The following DEPTOR variants were observed in gnomAD, a reference collection of about 807,000 sequenced individuals.
DEPTOR encodes the protein DEP domain containing MTOR interacting protein, also known as DEP domain-containing mTOR-interacting protein.
A neutral mutation model predicts 41.6 loss-of-function variants in DEPTOR; 41 were observed. The ratio of observed to expected loss-of-function variants is 0.98; its 90% CI spans 0.77 to 1.28. The LOEUF (loss-of-function observed/expected upper bound fraction) is 1.28, where lower values mean the gene tolerates loss of function less well. Among genes scored for constraint, DEPTOR ranks in the 50% most tolerant of loss-of-function variants. The pLI is 0.00. For synonymous variants in DEPTOR, 195 were observed against 192.3 expected (o/e 1.01, Z -0.12); for missense variants, 514 against 527.9 (o/e 0.97, Z 0.26).
At chr8:120,007,716 C>G (rs1178055653) in intron 7 of DEPTOR, among the ~76,000 whole-genome samples, 1 of 152,196 alleles carries the variant, frequency 6.6e-6, no homozygotes, top group East Asian at 1.9e-4. Context: ...AGGGCTATTT[C>G]ACATTCTGAA....
At chr8:119,967,948 T>C (rs1326594727) in intron 4 of DEPTOR, among the ~76,000 whole-genome samples, 2 of 152,170 alleles carry the variant, frequency 1.3e-5, no homozygotes, top group African/African-American at 4.8e-5. Context: ...TGACACTGTA[T>C]TCCAGGCTGC....
At chr8:119,969,203 A>T (rs1050419551) in intron 4 of DEPTOR, among the ~76,000 whole-genome samples, 2 of 152,174 alleles carry the variant, frequency 1.3e-5, no homozygotes, top group Non-Finnish European at 2.9e-5. Flanking sequence ...AAGATAGAGG[A>T]TGCTGTGAAT....
chr8:119,931,874 T>C lies in DEPTOR; in HGVS notation c.425+1936T>C, dbSNP rs1828048150. Reference sequence around the variant, plus strand: ...ATGTTCCTTTCAAACAATGATTCTATGTTGGCCAAAACATGCATGTCATCT... The same window carrying C: ...ATGTTCCTTTCAAACAATGATTCTACGTTGGCCAAAACATGCATGTCATCT... On this transcript the variant is annotated intron_variant, in intron 3 of 8. Coordinates refer to ENST00000286234, the MANE Select transcript of DEPTOR (RefSeq NM_022783.4). 2.6e-5 allele frequency among the ~76,000 whole-genome samples: 4 copies of C among 151,966 alleles called. No homozygotes were observed. The South Asian group carries it at 8.3e-4, about 32-fold the overall frequency.
chr8:119,890,299 G>GTTTGTTTGT (rs148002389), intron 1 of DEPTOR, among the ~76,000 whole-genome samples: 3 of 117,354 alleles, frequency 2.6e-5, no homozygotes, highest in African/African-American at 1.1e-4. Flanking sequence ...TTGTTTGTTT[G>GTTTGTTTGT]TTGTTGTTGT....
intron 3 of DEPTOR, among the ~76,000 whole-genome samples, chr8:119,954,802 T>C (rs1464575291): frequency 6.6e-6 from 1 of 152,026 alleles, no homozygotes; most frequent in African/African-American, 2.4e-5. Flanking sequence ...TCAGCTCACA[T>C]GCACAAGCAA....
chr8:119,959,681 C>T (rs1234064369), intron 3 of DEPTOR, among the ~76,000 whole-genome samples: 1 of 151,964 alleles, frequency 6.6e-6, no homozygotes, highest in African/African-American at 2.4e-5. Context: ...CAGGCATGCA[C>T]CACCACACCC....
chr8:119,899,754 A>G (rs1384632157), intron 1 of DEPTOR, among the ~76,000 whole-genome samples: 1 of 152,192 alleles, frequency 6.6e-6, no homozygotes. Context: ...ATGTCTCTGG[A>G]AATATCTTAC....
intron 4 of DEPTOR, among the ~76,000 whole-genome samples, chr8:119,988,643 T>C (rs1828859632): frequency 1.3e-5 from 2 of 152,112 alleles, no homozygotes; most frequent in East Asian, 3.9e-4. Flanking sequence ...CCACCATGCC[T>C]GGCTAATTTT....
chr8:119,948,691 T>C (rs1320013127), intron 3 of DEPTOR, among the ~76,000 whole-genome samples: 3 of 152,086 alleles, frequency 2.0e-5, no homozygotes. Flanking sequence ...ACCCCATAGC[T>C]ATCACTCCCC....
At chr8:120,041,166 T>TG (rs1212727269) in intron 8 of DEPTOR, among the ~76,000 whole-genome samples, 1 of 152,192 alleles carries the variant, frequency 6.6e-6, no homozygotes, top group African/African-American at 2.4e-5. Flanking sequence ...GCAAATTTCT[T>TG]GGTGAATACA....
At chr8:120,000,121 C>T (rs868236951) in intron 4 of DEPTOR, among the ~76,000 whole-genome samples, 4 of 151,934 alleles carry the variant, frequency 2.6e-5, no homozygotes, top group Non-Finnish European at 2.9e-5. Context: ...TACTCTTTGC[C>T]GATTTTTTTT....
At chr8:120,002,791 A>AAAAAAAAAAT in intron 5 of DEPTOR, among the ~76,000 whole-genome samples, 186 bp from the exon 6 acceptor site, 2 of 60,674 alleles carry the variant, frequency 3.3e-5, no homozygotes, top group African/African-American at 1.5e-4. Context: ...AAAAAAAAAA[A>AAAAAAAAAAT]ATATATATAT....
At chr8:119,959,255 C>T (rs1226113875) in intron 3 of DEPTOR, among the ~76,000 whole-genome samples, 5 of 150,712 alleles carry the variant, frequency 3.3e-5, no homozygotes, top group Admixed American at 6.6e-5. Context: ...CTCCGCCTCC[C>T]GGGCTCACGC....
At chr8:119,922,237 CAA>C (rs34430128) in intron 1 of DEPTOR, among the ~76,000 whole-genome samples, 17 of 125,792 alleles carry the variant, frequency 1.4e-4, no homozygotes, top group Non-Finnish European at 1.2e-4. Flanking sequence ...GAAACTGTCT[CAA>C]AAAAAAAAAA....
chr8:120,035,083 C>T (rs57923944), intron 8 of DEPTOR, among the ~76,000 whole-genome samples: 2 of 151,916 alleles, frequency 1.3e-5, no homozygotes, highest in Non-Finnish European at 2.9e-5. Flanking sequence ...TTTGGGAGGC[C>T]GAGGCAGGCA....
At chr8:119,921,748 G>GTTTTTTGT in intron 1 of DEPTOR, among the ~76,000 whole-genome samples, 1 of 131,134 alleles carries the variant, frequency 7.6e-6, no homozygotes, top group South Asian at 2.7e-4. Context: ...CTATTCTGTA[G>GTTTTTTGT]TTTTTTTTTT....
chr8:120,019,439 T>C (rs1228660206), intron 8 of DEPTOR, among the ~76,000 whole-genome samples: 1 of 152,220 alleles, frequency 6.6e-6, no homozygotes, highest in Non-Finnish European at 1.5e-5. Context: ...CCCTTGTGCC[T>C]CTTTCAAGTC....
chr8:119,952,365 CACACAGG>C (rs1828364462), intron 3 of DEPTOR, among the ~76,000 whole-genome samples: 1 of 152,182 alleles, frequency 6.6e-6, no homozygotes, highest in Non-Finnish European at 1.5e-5. Flanking sequence ...CCCTCACCTC[CACACAGG>C]ACACAGGACT....
At chr8:119,968,332 TTA>T (rs1039655542) in intron 4 of DEPTOR, among the ~76,000 whole-genome samples, 12 of 150,670 alleles carry the variant, frequency 8.0e-5, no homozygotes, top group African/African-American at 3.0e-4. Flanking sequence ...TTTATTATTA[TTA>T]TTTTTTTTTT....
Sources: gnomAD v4.1 joint callset for allele counts (sites outside exome capture counted in the v4.1 genomes callset) on GRCh38, gnomAD v4.1.1 for gene constraint, MANE v1.5 for transcripts, NCBI Gene and HGNC (gene_info 2026-07-23, HGNC 2026-07-21) for gene names.